The following ADCY1 variants were observed in gnomAD, a reference collection of about 807,000 sequenced individuals.
ADCY1 encodes the protein adenylate cyclase type 1.
In ADCY1, 28 loss-of-function variants were observed where a neutral mutation model predicts 105.4. The observed-to-expected ratio is 0.27, with a 90% CI of 0.20 to 0.36. ADCY1 has a LOEUF of 0.36. ADCY1 is among the 10% of genes least tolerant of loss of function. The pLI, the probability that ADCY1 is intolerant of heterozygous loss-of-function variation, is 1.00. For missense variants in ADCY1, 977 were observed against 1,434.2 expected, an observed-to-expected ratio of 0.68 and a Z score of 5.15; for synonymous variants, 655 against 623.8, an observed-to-expected ratio of 1.05 and a Z score of -0.75.
Position 45,717,120 on chromosome 7 carries a change from C to T in ADCY1, c.*3125C>T, listed in dbSNP as rs1334154946. ...GAGAGCCAGCCACGCCATGCTGTGC[C>T]TGGGGTCCACAGAGCCGGGAGGTCA... On this transcript the variant is annotated 3_prime_UTR_variant, in exon 20 of 20. Coordinates refer to ENST00000297323, the MANE Select transcript of ADCY1 (RefSeq NM_021116.4). The T allele has an allele frequency of 6.6e-6, 1 of 152,280 alleles. No individual in the cohort carries two copies. The highest frequency in any genetic ancestry group is 2.4e-5 in the African/African-American group (1 of 41,474). The allele number at this position is 152,280 out of a possible 1,614,324, so 9.4% of individuals were successfully genotyped here.
At chr7:45,599,825 C>T (rs949010273) in intron 2 of ADCY1, among the ~76,000 whole-genome samples, 127 of 152,158 alleles carry the variant, frequency 8.3e-4, no homozygotes, top group African/African-American at 3.0e-3. Context: ...GGGGTTTCAC[C>T]ATGTTGGTCA....
In ADCY1 at chr7:45,660,076, T is replaced by C. The variant is rs1177323907; in HGVS notation, c.1342T>C (p.Leu448=). 1.2e-6 allele frequency: 2 copies of C among 1,614,238 alleles called. No homozygotes were observed. The highest frequency in any genetic ancestry group is 8.5e-7 in the Non-Finnish European group (1 of 1,180,042). Residue 448 remains leucine (L), a synonymous_variant, in exon 7 of 20, where the codon TTG becomes CTG. Coordinates refer to ENST00000297323, the MANE Select transcript of ADCY1 (RefSeq NM_021116.4). The part of the protein sequence containing the change: ...VHITKTTLAC[L]NGDYEVEPGY... ...TATCACAAAGACGACCCTAGCGTGC[T>C]TGAATGGGGACTACGAGGTAGAACC...
intron 4 of ADCY1, among the ~76,000 whole-genome samples, chr7:45,636,026 G>A (rs777997048): frequency 1.3e-5 from 2 of 151,960 alleles, no homozygotes; most frequent in Non-Finnish European, 2.9e-5. Context: ...TATTTGTAAT[G>A]GTTATGTCTT....
rs112894743 is a variant in ADCY1, at chr7:45,675,241, A to G, written c.1606-2628A>G. 2.4e-3 allele frequency among the ~76,000 whole-genome samples: 366 copies of G among 152,234 alleles called. 1 individual carries two copies. Among genetic ancestry groups the G allele is most frequent in the African/African-American group, 8.4e-3 (348 of 41,550 alleles). On this transcript the variant is annotated intron_variant, in intron 8 of 19. Transcript: ENST00000297323. Reference sequence around the variant, plus strand: ...TTATCTAGATATGTATTATTTTTACATAACATTACAGCCTACTGATGTCAA... The same window carrying G: ...TTATCTAGATATGTATTATTTTTACGTAACATTACAGCCTACTGATGTCAA...
At chr7:45,587,910 A>G (rs555717713) in intron 1 of ADCY1, among the ~76,000 whole-genome samples, 2 of 152,120 alleles carry the variant, frequency 1.3e-5, no homozygotes, top group Non-Finnish European at 2.9e-5. Context: ...TCCTCCGTAA[A>G]GGTTTTCTCT....
At chr7:45,676,753 G>A (rs1258966416) in intron 8 of ADCY1, among the ~76,000 whole-genome samples, 4 of 151,988 alleles carry the variant, frequency 2.6e-5, no homozygotes, top group Non-Finnish European at 5.9e-5. Context: ...GGGGCCTTGG[G>A]TGTGCCTCCT....
In ADCY1 at chr7:45,632,867, G is replaced by T. The variant is rs1005900587; in HGVS notation, c.1020+10124G>T. 2.6e-5 allele frequency among the ~76,000 whole-genome samples: 4 copies of T among 152,098 alleles called. No homozygotes were observed. In the East Asian group the frequency reaches 5.8e-4, roughly 22 times the overall value. Reference sequence around the variant, plus strand: ...ATTACAGGCATGAACCACCATGCTCGGCCAATGTATATGTGTTTTATATAT... The same window carrying T: ...ATTACAGGCATGAACCACCATGCTCTGCCAATGTATATGTGTTTTATATAT... On this transcript the variant is annotated intron_variant, in intron 4 of 19. Coordinates refer to ENST00000297323, the MANE Select transcript of ADCY1 (RefSeq NM_021116.4).
At position 45,708,864 on chromosome 7, in the gene ADCY1, C is replaced by T. The variant is rs980583916; in HGVS notation, c.2932+400C>T. 2.6e-5 allele frequency among the ~76,000 whole-genome samples: 4 copies of T among 152,208 alleles called. No individual in the cohort carries two copies. The highest frequency in any genetic ancestry group is 7.2e-5 in the African/African-American group (3 of 41,436). On this transcript the variant is annotated intron_variant, in intron 18 of 19. Coordinates refer to ENST00000297323, the MANE Select transcript of ADCY1 (RefSeq NM_021116.4). This position sits in a 1 kb window ranked among gnomAD's most constrained non-coding sequence, Gnocchi z 4.7. ...GGAGCCCCACTGTGCGGACTCCAGC[C>T]GCCCTGTGTCTTCTCCAGGCTCCTT...
Position 45,592,680 on chromosome 7 carries a change from A to G in ADCY1, c.640-79A>G, listed in dbSNP as rs111733507. ...GCGTGGCTTTTGGAGAGCTCTTGCT[A>G]TGCTCTCCGGGCGGCCTAGGCCCTC... On this transcript the variant is annotated intron_variant, in intron 1 of 19. Coordinates refer to ENST00000297323, the MANE Select transcript of ADCY1 (RefSeq NM_021116.4). The G allele has an allele frequency of 5.1e-4, 808 of 1,581,138 alleles. 7 individuals are homozygous for G. The African/African-American group carries it at 8.6e-3, about 17-fold the overall frequency.
In ADCY1 at chr7:45,662,126, A is replaced by G; in HGVS notation, c.1517A>G (p.Tyr506Cys). ...AKRMKFKTVC[Y>C]LLVQLMHCRK... ...AGGATGAAGTTCAAGACTGTCTGCT[A>G]CCTGCTGGTGCAGCTCATGCACTGC... Residue 506 changes from tyrosine (Y) to cysteine (C), a missense_variant, in exon 8 of 20, where the codon TAC (tyrosine) becomes TGC (cysteine). By Grantham distance (194) the Tyr-to-Cys change is radical. Around this residue, in one of 7 missense-constraint regions of ADCY1, gnomAD observed 66 missense variants for 127.2 expected, o/e 0.52. Coordinates refer to ENST00000297323, the MANE Select transcript of ADCY1 (RefSeq NM_021116.4). 6.2e-7 allele frequency: 1 copy of G among 1,614,094 alleles called. No individual in the cohort carries two copies. The highest frequency in any genetic ancestry group is 8.5e-7 in the Non-Finnish European group (1 of 1,179,960).
At chr7:45,616,524 A>G (rs188372033) in intron 3 of ADCY1, among the ~76,000 whole-genome samples, 3 of 152,370 alleles carry the variant, frequency 2.0e-5, no homozygotes, top group South Asian at 2.1e-4. Context: ...GCAAAAATCA[A>G]TTAGTGTGAT....
In ADCY1 at chr7:45,622,568, A is replaced by C. The variant is rs1793931509; in HGVS notation, c.909-64A>C. ...GATTTGGAGATGTAAACATCTGTAC[A>C]TCTCTAGGGATTATTTCCTGAGTGA... On this transcript the variant is annotated intron_variant, in intron 3 of 19. Transcript: ENST00000297323. 1.5e-5 allele frequency: 18 copies of C among 1,162,328 alleles called. No individual in the cohort carries two copies. The South Asian group carries it at 1.7e-4, about 11-fold the overall frequency. The allele number at this position is 1,162,328 out of a possible 1,614,324, so 72.0% of individuals were successfully genotyped here.
intron 3 of ADCY1, among the ~76,000 whole-genome samples, chr7:45,610,848 T>TGGTGGAGGTTAGGAAGTG (rs1562687276): frequency 1.0e-4 from 2 of 19,124 alleles, no homozygotes; most frequent in South Asian, 1.5e-3. Flanking sequence ...GTGGAGGCGA[T>TGGTGGAGGTTAGGAAGTG]ATTGGAGTTG....
At chr7:45,634,405 T>C (rs1295618422) in intron 4 of ADCY1, among the ~76,000 whole-genome samples, 1 of 150,518 alleles carries the variant, frequency 6.6e-6, no homozygotes, top group Admixed American at 6.7e-5. Context: ...GCAAGTTTCC[T>C]TTTATTTCTA....
chr7:45,607,246 A>G (rs1562684890), intron 2 of ADCY1, among the ~76,000 whole-genome samples: 1 of 152,246 alleles, frequency 6.6e-6, no homozygotes, highest in East Asian at 1.9e-4. Context: ...TATACATTCC[A>G]GGGTAGACAC....
In ADCY1 at chr7:45,714,837, C is replaced by T. The variant is rs892194962; in HGVS notation, c.*842C>T. ...GGACATTCCCCATCCTGCACCGGCACTGTGTTTGTTCAGAGAAAACGAAGG... is the reference window on the plus strand; with the variant it reads ...GGACATTCCCCATCCTGCACCGGCATTGTGTTTGTTCAGAGAAAACGAAGG... On this transcript the variant is annotated 3_prime_UTR_variant, in exon 20 of 20. Coordinates refer to ENST00000297323, the MANE Select transcript of ADCY1 (RefSeq NM_021116.4). 4.6e-5 allele frequency: 7 copies of T among 152,550 alleles called. No homozygotes were observed. Among genetic ancestry groups the T allele is most frequent in the Admixed American group, 6.5e-5 (1 of 15,286 alleles). The allele number at this position is 152,550 out of a possible 1,614,324, so 9.4% of individuals were successfully genotyped here.
At chr7:45,651,011 G>T (rs138274672) in intron 5 of ADCY1, among the ~76,000 whole-genome samples, 10 of 152,186 alleles carry the variant, frequency 6.6e-5, no homozygotes, top group Non-Finnish European at 1.2e-4. Flanking sequence ...CCAGGATTTG[G>T]TGCCTTCAGC....
chr7:45,664,264 C>A, intron 8 of ADCY1: 1 of 1,532,966 alleles, frequency 6.5e-7, no homozygotes, highest in Non-Finnish European at 8.7e-7. Flanking sequence ...TGTCGGACCC[C>A]ACACATCTGA....
intron 1 of ADCY1, among the ~76,000 whole-genome samples, chr7:45,584,206 A>G (rs1304556540): frequency 6.6e-6 from 1 of 151,924 alleles, no homozygotes; most frequent in Non-Finnish European, 1.5e-5. Flanking sequence ...GGCCTCCCAG[A>G]GTGCTGGGAT....
Sources: allele counts gnomAD v4.1 joint callset (sites outside exome capture counted in the v4.1 genomes callset), GRCh38; gene constraint gnomAD v4.1.1; regional missense constraint gnomAD v4.1.1; non-coding constraint Gnocchi (gnomAD v3.1); transcripts MANE v1.5; gene names NCBI Gene and HGNC (gene_info 2026-07-23, HGNC 2026-07-21).